Variants in IQGAP2 observed in about 807,000 individuals in gnomAD.
The protein encoded by IQGAP2 is IQ motif containing GTPase activating protein 2, also known as ras GTPase-activating-like protein IQGAP2.
Under a neutral mutation model 201.3 loss-of-function variants are expected in IQGAP2, and 173 were observed. The ratio of observed to expected loss-of-function variants is 0.86; its 90% CI spans 0.76 to 0.98. The LOEUF is 0.98. IQGAP2 is among the 50% of genes least tolerant of loss of function. IQGAP2 has a pLI of 0.00. For synonymous variants in IQGAP2, 675 were observed against 673.9 expected, an observed-to-expected ratio of 1.00 and a Z score of -0.03; for missense variants, 1,687 against 1,864.8, an observed-to-expected ratio of 0.90 and a Z score of 1.76.
chr5:76,439,885 C>G (rs1053409343), intron 1 of IQGAP2, among the ~76,000 whole-genome samples: 4 of 152,144 alleles, frequency 2.6e-5, no homozygotes, highest in African/African-American at 9.7e-5. Flanking sequence ...CTGTTCCAAT[C>G]ATTGTGCTGA....
chr5:76,606,201 G>A lies in IQGAP2; in HGVS notation c.1255G>A (p.Val419Ile). Reference protein sequence around the residue: ...VERYANTLLSVKLEVLSQGQD... With the variant: ...VERYANTLLSIKLEVLSQGQD... ...CAGTTATGCAAACACACTACTCTCT[G>A]TTAAACTAGAAGTTTTATCCCAAGG... Residue 419 changes from valine (V) to isoleucine (I), a missense_variant, in exon 12 of 36, where the codon GTT (valine) becomes ATT (isoleucine). Coordinates refer to ENST00000274364, the MANE Select transcript of IQGAP2 (RefSeq NM_006633.5). 6.2e-7 allele frequency: 1 copy of A among 1,604,704 alleles called. No homozygotes were observed. Among genetic ancestry groups the A allele is most frequent in the Non-Finnish European group, 8.5e-7 (1 of 1,174,662 alleles).
intron 1 of IQGAP2, among the ~76,000 whole-genome samples, chr5:76,432,471 A>G (rs1412611379): frequency 6.6e-6 from 1 of 152,030 alleles, no homozygotes; most frequent in East Asian, 1.9e-4. Flanking sequence ...GGTTTTTTGG[A>G]GCATCACATA....
intron 10 of IQGAP2, among the ~76,000 whole-genome samples, 173 bp downstream of exon 10, chr5:76,597,775 C>T (rs1045829020): frequency 6.6e-6 from 1 of 152,176 alleles, no homozygotes; most frequent in Non-Finnish European, 1.5e-5. Flanking sequence ...TTAATTCTTG[C>T]TTTTAGTCTA....
At chr5:76,518,788 A>T (rs1247755473) in intron 2 of IQGAP2, among the ~76,000 whole-genome samples, 1 of 152,172 alleles carries the variant, frequency 6.6e-6, no homozygotes, top group African/African-American at 2.4e-5. Context: ...CAGGAGAAAA[A>T]TTAAAGTTCT....
At chr5:76,570,745 G>A in intron 4 of IQGAP2, 88 bp downstream of exon 4, 1 of 877,506 alleles carries the variant, frequency 1.1e-6, no homozygotes, top group East Asian at 2.4e-5. Context: ...TTGGAGACTG[G>A]GTTATGTTAA....
At chr5:76,620,309 G>A (rs547674125) in intron 13 of IQGAP2, among the ~76,000 whole-genome samples, 2 of 152,292 alleles carry the variant, frequency 1.3e-5, no homozygotes, top group East Asian at 1.9e-4. Context: ...TAGAACAGTG[G>A]TTATGGAAAG....
chr5:76,499,645 G>A (rs906769598), intron 2 of IQGAP2, among the ~76,000 whole-genome samples: 4 of 152,214 alleles, frequency 2.6e-5, no homozygotes, highest in African/African-American at 9.7e-5. Flanking sequence ...AGGTAAGATA[G>A]TAGTGTCAAG....
At chr5:76,523,013 A>T (rs1758778962) in intron 2 of IQGAP2, among the ~76,000 whole-genome samples, 1 of 151,266 alleles carries the variant, frequency 6.6e-6, no homozygotes. Context: ...TCTTAACCTC[A>T]GAAGGAGAGG....
intron 13 of IQGAP2, among the ~76,000 whole-genome samples, chr5:76,612,490 G>A (rs1259891888): frequency 6.6e-6 from 1 of 152,032 alleles, no homozygotes; most frequent in Non-Finnish European, 1.5e-5. Flanking sequence ...GCAAGGCTCT[G>A]TCTCGAAAAT....
At chr5:76,562,006 C>A (rs926982633) in intron 2 of IQGAP2, among the ~76,000 whole-genome samples, 4 of 152,126 alleles carry the variant, frequency 2.6e-5, no homozygotes, top group African/African-American at 7.2e-5. Flanking sequence ...AGGCACAGAC[C>A]GTATAAGAAT....
At chr5:76,440,972 A>T (rs1752995114) in intron 1 of IQGAP2, among the ~76,000 whole-genome samples, 1 of 151,314 alleles carries the variant, frequency 6.6e-6, no homozygotes, top group African/African-American at 2.4e-5. Flanking sequence ...TGAAGGTTGC[A>T]GTGAGCCGAG....
intron 2 of IQGAP2, among the ~76,000 whole-genome samples, chr5:76,467,030 C>T (rs749676875): frequency 6.6e-6 from 1 of 152,132 alleles, no homozygotes; most frequent in East Asian, 1.9e-4. Context: ...GCCAGCAGAT[C>T]GCTTGAGCCC....
intron 5 of IQGAP2, among the ~76,000 whole-genome samples, chr5:76,580,745 C>G (rs992528916): frequency 2.0e-5 from 3 of 152,118 alleles, no homozygotes; most frequent in Admixed American, 2.0e-4. Context: ...TAGCACCGTC[C>G]CTGACATTCT....
At chr5:76,543,140 A>T (rs923009650) in intron 2 of IQGAP2, among the ~76,000 whole-genome samples, 1 of 152,136 alleles carries the variant, frequency 6.6e-6, no homozygotes, top group Non-Finnish European at 1.5e-5. Context: ...AAATGGAGGC[A>T]TTGTGAAACC....
rs771957956 is a variant in IQGAP2, at chr5:76,637,059, A to G, written c.1806A>G (p.Lys602=). 4 of 1,611,088 alleles carry G rather than the reference A, an allele frequency of 2.5e-6. No homozygotes were observed. The East Asian group carries it at 6.7e-5, about 27-fold the overall frequency. ...TGTCTAGTGACGGTTCATGGCTCAA[A>G]CTCAACCTGCACAAAAAATATGACT... The part of the protein sequence containing the change: ...ERVSSDGSWL[K]LNLHKKYDYY... Residue 602 remains lysine, a synonymous_variant, in exon 16 of 36, where the codon AAA becomes AAG. Coordinates refer to ENST00000274364, the MANE Select transcript of IQGAP2 (RefSeq NM_006633.5).
rs1320171278 is a variant in IQGAP2 at position 76,496,762 on chromosome 5, TTTC to T, written c.146+35096_146+35098del. ...CTTTCTTTCTTTCTTTCTTTCTTTCTTTCTTTCTTTCTTTCTTTCTTTCTTTCT... is the reference window on the plus strand; with the variant it reads ...CTTTCTTTCTTTCTTTCTTTCTTTCTTTTCTTTCTTTCTTTCTTTCTTTCT... On this transcript the variant is annotated intron_variant, in intron 2 of 35. Coordinates refer to ENST00000274364, the MANE Select transcript of IQGAP2 (RefSeq NM_006633.5). 9.5e-3 allele frequency among the ~76,000 whole-genome samples: 547 copies of T among 57,810 alleles called. 23 individuals are homozygous for T. Among genetic ancestry groups the T allele is most frequent in the African/African-American group, 0.029 (342 of 11,900 alleles). The allele number at this position is 57,810 out of a possible 152,430, so 37.9% of individuals were successfully genotyped here. A position where few individuals can be genotyped will look rare whatever the true frequency, so the allele number is the denominator to read the frequency against.
intron 30 of IQGAP2, among the ~76,000 whole-genome samples, chr5:76,692,771 T>TCAG (rs1746383308): frequency 1.3e-5 from 2 of 152,230 alleles, no homozygotes; most frequent in African/African-American, 4.8e-5. Flanking sequence ...CTCAGGCCCT[T>TCAG]GAACACCATC....
chr5:76,698,107 G>T lies in IQGAP2; in HGVS notation c.4327G>T (p.Asp1443Tyr). 1 of 1,608,908 alleles carries T rather than the reference G, an allele frequency of 6.2e-7. No homozygotes were observed. The highest frequency in any genetic ancestry group is 1.1e-5 in the South Asian group (1 of 90,858). ...AFYEEQINYY[D>Y]TYIKTCLDNL... ...TTATGAAGAGCAAATCAATTATTAT[G>T]ACACCTACATAAAGACTTGTTTAGA... The change falls in exon 33 of 36, where the codon GAC becomes TAC. Residue 1443 changes from aspartate to tyrosine, a missense_variant. Transcript: ENST00000274364.
chr5:76,652,734 C>T lies in IQGAP2; in HGVS notation c.2095-16C>T. ...ACTTGCTGGTAAATAATTCTATAAC[C>T]CACTCTTTTCCTTAGGCTTTTTGGA... On this transcript the variant is annotated splice_polypyrimidine_tract_variant and intron_variant, in intron 17 of 35. Transcript: ENST00000274364. 3 of 1,564,078 alleles carry T rather than the reference C, an allele frequency of 1.9e-6. No individual in the cohort carries two copies. The highest frequency in any genetic ancestry group is 1.1e-5 in the South Asian group (1 of 90,020).
Sources: allele counts gnomAD v4.1 joint callset (sites outside exome capture counted in the v4.1 genomes callset), GRCh38; gene constraint gnomAD v4.1.1; transcripts MANE v1.5; gene names NCBI Gene and HGNC (gene_info 2026-07-23, HGNC 2026-07-21).